Variants in RANBP2 observed in about 807,000 individuals in gnomAD.
RANBP2 encodes the protein RAN binding protein 2, also known as E3 SUMO-protein ligase RanBP2.
RANBP2 carries 57 observed loss-of-function variants against 303.6 expected under a neutral mutation model. That is an observed-to-expected ratio of 0.19 (90% CI 0.15 to 0.23). The LOEUF (loss-of-function observed/expected upper bound fraction) is 0.23. Among genes scored for constraint, RANBP2 ranks in the 10% least tolerant of loss-of-function variants. The pLI is 1.00. For missense variants in RANBP2, 3,138 were observed against 3,780.8 expected, an observed-to-expected ratio of 0.83 and a Z score of 4.46; for synonymous variants, 1,167 against 1,301.5, an observed-to-expected ratio of 0.90 and a Z score of 2.23.
At chr2:108,979,814 C>T in the RANBP2 span, among the ~76,000 whole-genome samples, 2 of 152,166 alleles carry the variant, frequency 1.3e-5, no homozygotes, top group African/African-American at 4.8e-5. Flanking sequence ...CTTTGGCCAT[C>T]TGACATGACA....
the RANBP2 span, among the ~76,000 whole-genome samples, chr2:109,282,522 A>T: frequency 6.6e-6 from 1 of 152,092 alleles, no homozygotes; most frequent in South Asian, 2.1e-4. Context: ...GTGGGAGGAC[A>T]GGGGAGGGGT....
the RANBP2 span, among the ~76,000 whole-genome samples, chr2:109,210,169 G>A: frequency 6.6e-6 from 1 of 152,174 alleles, no homozygotes; most frequent in South Asian, 2.1e-4. Flanking sequence ...ATATTCCATT[G>A]TATGGCTAGA....
the RANBP2 span, chr2:108,794,623 A>C: frequency 1.2e-6 from 2 of 1,614,096 alleles, no homozygotes. Context: ...GAAACCTGTC[A>C]GCTGTCCAAA....
the RANBP2 span, chr2:108,816,107 T>C: frequency 6.3e-7 from 1 of 1,595,522 alleles, no homozygotes. Context: ...TGTGTAAAGG[T>C]TTGTTTTTTA....
chr2:108,932,549 A>G, the RANBP2 span, among the ~76,000 whole-genome samples: 4 of 151,240 alleles, frequency 2.6e-5, no homozygotes, highest in African/African-American at 2.4e-5. Context: ...AAAAAAAAAA[A>G]AAAGAAAGAA....
chr2:109,289,206 A>G, the RANBP2 span, among the ~76,000 whole-genome samples: 1 of 152,194 alleles, frequency 6.6e-6, no homozygotes, highest in Non-Finnish European at 1.5e-5. Flanking sequence ...CTCTGCTGTC[A>G]TATGACTTGG....
the RANBP2 span, among the ~76,000 whole-genome samples, chr2:109,549,020 G>A: frequency 1.3e-5 from 2 of 152,100 alleles, no homozygotes; most frequent in African/African-American, 4.8e-5. Context: ...TTATTCCAGA[G>A]GATGCCTTTT....
chr2:109,428,599 A>T, the RANBP2 span, among the ~76,000 whole-genome samples: 1 of 152,328 alleles, frequency 6.6e-6, no homozygotes, highest in Admixed American at 6.5e-5. Context: ...TGCCCTCAAG[A>T]GGCGCTTTTT....
chr2:109,662,294 C>CT, the RANBP2 span, among the ~76,000 whole-genome samples: 2 of 151,874 alleles, frequency 1.3e-5, no homozygotes, highest in East Asian at 1.9e-4. Context: ...TTCTTTCTTT[C>CT]TTTTTTTAAA....
the RANBP2 span, among the ~76,000 whole-genome samples, chr2:109,513,367 G>T: frequency 6.7e-6 from 1 of 148,178 alleles, no homozygotes; most frequent in Non-Finnish European, 1.5e-5. Flanking sequence ...CACACCTCCC[G>T]TATGCACACA....
chr2:109,471,514 G>A, the RANBP2 span, among the ~76,000 whole-genome samples: 2 of 152,120 alleles, frequency 1.3e-5, no homozygotes, highest in African/African-American at 4.8e-5. Context: ...TTTGACACAT[G>A]GGGATTACAA....
chr2:108,755,495 G>A (rs1324002475), intron 17 of RANBP2, among the ~76,000 whole-genome samples: 2 of 151,884 alleles, frequency 1.3e-5, no homozygotes, highest in Admixed American at 6.6e-5. Flanking sequence ...GCTCAAGAGA[G>A]GCTCTTGGCT....
At chr2:108,761,592 T>C (rs1457440912) in intron 18 of RANBP2, among the ~76,000 whole-genome samples, 1 of 152,162 alleles carries the variant, frequency 6.6e-6, no homozygotes, top group Admixed American at 6.5e-5. Flanking sequence ...GAACACATTT[T>C]ATGTTATTTA....
At chr2:108,905,712 A>G in the RANBP2 span, among the ~76,000 whole-genome samples, 1 of 152,186 alleles carries the variant, frequency 6.6e-6, no homozygotes, top group Non-Finnish European at 1.5e-5. Context: ...AAGGTAATTT[A>G]GAAAGTGGAT....
the RANBP2 span, among the ~76,000 whole-genome samples, chr2:109,286,265 G>A: frequency 6.6e-6 from 1 of 152,226 alleles, no homozygotes; most frequent in Non-Finnish European, 1.5e-5. Flanking sequence ...GCCATCAGCA[G>A]ATTTCCTTAT....
the RANBP2 span, among the ~76,000 whole-genome samples, chr2:109,335,602 C>T: frequency 6.6e-6 from 1 of 151,824 alleles, no homozygotes; most frequent in African/African-American, 2.4e-5. Context: ...TAGCACTTAA[C>T]CACTTTCTGA....
At chr2:109,206,043 CCT>C in the RANBP2 span, among the ~76,000 whole-genome samples, 2 of 152,110 alleles carry the variant, frequency 1.3e-5, no homozygotes, top group Non-Finnish European at 2.9e-5. Context: ...TCACTTGTAC[CCT>C]GAGATGCCTT....
chr2:108,846,906 ATTGTTCTCAAAAC>A, the RANBP2 span: 1 of 1,608,544 alleles, frequency 6.2e-7, no homozygotes. Context: ...ATCAACCTTA[ATTGTTCTCAAAAC>A]AGTCACTCAA....
At chr2:109,409,505 A>G in the RANBP2 span, among the ~76,000 whole-genome samples, 2 of 152,144 alleles carry the variant, frequency 1.3e-5, no homozygotes, top group African/African-American at 4.8e-5. Context: ...ATCCAGCAGC[A>G]AATTTGGAAC....
Sources: allele counts gnomAD v4.1 joint callset (sites outside exome capture counted in the v4.1 genomes callset), GRCh38; gene constraint gnomAD v4.1.1; transcripts MANE v1.5; gene names NCBI Gene and HGNC (gene_info 2026-07-23, HGNC 2026-07-21).